TSC2: variants seen among roughly 807,000 people sequenced by gnomAD.
The protein encoded by TSC2 is TSC complex subunit 2.
Under a neutral mutation model 202.2 loss-of-function variants are expected in TSC2, and 29 were observed. That is an observed-to-expected ratio of 0.14 (90% CI 0.11 to 0.20). TSC2 has a LOEUF of 0.20. Among genes scored for constraint, TSC2 ranks in the 10% least tolerant of loss-of-function variants. The pLI, the probability that TSC2 is intolerant of heterozygous loss-of-function variation, is 1.00. For missense variants in TSC2, 2,429 were observed against 2,420.0 expected, an observed-to-expected ratio of 1.00 and a Z score of -0.08; for synonymous variants, 1,349 against 1,044.0, an observed-to-expected ratio of 1.29 and a Z score of -5.63.
At position 2,062,662 on chromosome 16, in the gene TSC2, C is replaced by A. The variant is rs891862600; in HGVS notation, c.1361+62C>A. On this transcript the variant is annotated intron_variant, in intron 13 of 41. Coordinates refer to ENST00000219476, the MANE Select transcript of TSC2 (RefSeq NM_000548.5). The stretch of plus-strand genomic sequence containing the variant: ...GCCTGGCCCTGTCTCTGTCTGGGGC[C>A]CACCCGGGCTGGGTCTCAGGATGCC... 4 of 1,524,128 alleles carry A rather than the reference C, an allele frequency of 2.6e-6. No individual in the cohort carries two copies. In the African/African-American group the frequency reaches 4.1e-5, roughly 16 times the overall value. The allele number at this position is 1,524,128 out of a possible 1,614,324, so 94.4% of individuals were successfully genotyped here.
chr16:2,078,894 C>T (rs543077852), intron 26 of TSC2, 138 bp from the exon 27 acceptor site: 646 of 1,144,410 alleles, frequency 5.6e-4, no homozygotes, highest in Non-Finnish European at 7.6e-4. Flanking sequence ...CTGAGGCTCG[C>T]TGGGCCGCCC....
intron 11 of TSC2, 71 bp from the exon 12 acceptor site, chr16:2,061,800 A>G (rs1482495637): frequency 2.0e-5 from 33 of 1,611,350 alleles, no homozygotes; most frequent in East Asian, 4.5e-5. Flanking sequence ...GTGGGTGTGT[A>G]GCGAGGCCTC....
chr16:2,082,393 C>T (rs2090250858), intron 31 of TSC2, 43 bp from the exon 32 acceptor site: 1 of 1,606,342 alleles, frequency 6.2e-7, no homozygotes, highest in Non-Finnish European at 8.5e-7. Flanking sequence ...TGTGTGTAGC[C>T]CCTCCTCCTG....
chr16:2,068,395 ATG>A (rs1458121268), intron 16 of TSC2, among the ~76,000 whole-genome samples: 1 of 152,174 alleles, frequency 6.6e-6, no homozygotes, highest in Non-Finnish European at 1.5e-5. Flanking sequence ...CTTGAACAGT[ATG>A]GGGCTGGGAG....
chr16:2,088,361 G>T (rs2151634675), intron 41 of TSC2, 36 bp downstream of exon 41: 7 of 1,612,190 alleles, frequency 4.3e-6, no homozygotes, highest in Non-Finnish European at 5.9e-6. Context: ...GGGGTGTGCT[G>T]GCTGCCCAAG....
intron 1 of TSC2, 74 bp from the exon 2 acceptor site, chr16:2,048,513 G>T: frequency 1.3e-6 from 2 of 1,587,188 alleles, no homozygotes; most frequent in Admixed American, 1.7e-5. Flanking sequence ...GGGTCCTGAC[G>T]GCTGGAGGTC....
At chr16:2,056,989 G>A (rs2085930866) in intron 8 of TSC2, 116 bp from the exon 9 acceptor site, 3 of 1,424,780 alleles carry the variant, frequency 2.1e-6, no homozygotes, top group Admixed American at 2.0e-5. Flanking sequence ...AGATGGTGGC[G>A]AGCTGGCCGG....
chr16:2,088,345 C>T lies in TSC2; in HGVS notation c.5259+20C>T, dbSNP rs879247127. On this transcript the variant is annotated intron_variant, in intron 41 of 41. Transcript: ENST00000219476. ...CAGCGGGTAGGGAATATGGGGCTCC[C>T]TCAGCGGGGTGTGCTGGCTGCCCAA... 3 of 1,612,490 alleles carry T rather than the reference C, an allele frequency of 1.9e-6. No homozygotes were observed. Among genetic ancestry groups the T allele is most frequent in the Non-Finnish European group, 2.5e-6 (3 of 1,179,986 alleles).
Position 2,084,995 on chromosome 16 carries a change from A to G in TSC2, c.4538A>G (p.Glu1513Gly), listed in dbSNP as rs1596422775. The change falls in exon 35 of 42, where the codon GAG becomes GGG. Residue 1513 changes from glutamate to glycine, a missense_variant. Physicochemically the swap from Glu to Gly is moderately conservative, Grantham distance 98. Transcript: ENST00000219476. Reference sequence around the variant, plus strand: ...TACCATTCCCCCTTCTTTGGCGACGAGTCAAACAAGCCAATCCTGCTGCCC... The same window carrying G: ...TACCATTCCCCCTTCTTTGGCGACGGGTCAAACAAGCCAATCCTGCTGCCC... ...QLYHSPFFGD[E>G]SNKPILLPNE... is the part of the protein sequence containing the mutation. 2.5e-6 allele frequency: 4 copies of G among 1,613,196 alleles called. No individual in the cohort carries two copies. Among genetic ancestry groups the G allele is most frequent in the Non-Finnish European group, 3.4e-6 (4 of 1,179,974 alleles).
At chr16:2,083,379 CCGT>C in intron 32 of TSC2, 1 of 508,304 alleles carries the variant, frequency 2.0e-6, no homozygotes, top group Non-Finnish European at 3.7e-6. Context: ...GAGCTGAGGC[CCGT>C]CGGGCGGAGA....
chr16:2,087,714 A>G, intron 38 of TSC2, 149 bp from the exon 39 acceptor site: 1 of 1,021,510 alleles, frequency 9.8e-7, no homozygotes, highest in Non-Finnish European at 1.5e-6. Context: ...GAGGCCAGAC[A>G]AACACAGCCC....
In TSC2 at chr16:2,072,545, C is replaced by T. The variant is rs12325450; in HGVS notation, c.2220+182C>T. ...GGGTGGAGGGACCCCTGCCCCAGCTCGCAGCTTTTGGGACTGACGTCAGAG... is the reference window on the plus strand; with the variant it reads ...GGGTGGAGGGACCCCTGCCCCAGCTTGCAGCTTTTGGGACTGACGTCAGAG... On this transcript the variant is annotated intron_variant, in intron 20 of 41. Coordinates refer to ENST00000219476, the MANE Select transcript of TSC2 (RefSeq NM_000548.5). 0.011 allele frequency: 11,340 copies of T among 1,000,470 alleles called. 560 individuals are homozygous for T. The African/African-American group carries it at 0.13, about 11-fold the overall frequency. The allele number at this position is 1,000,470 out of a possible 1,614,324, so 62.0% of individuals were successfully genotyped here.
chr16:2,082,858 C>T (rs1282352122), intron 32 of TSC2: 3 of 431,564 alleles, frequency 7.0e-6, no homozygotes, highest in Admixed American at 3.5e-5. Context: ...GGGCCTGCAC[C>T]GAGCGGGCCT....
intron 11 of TSC2, 91 bp downstream of exon 11, chr16:2,060,904 TG>T (rs1197646811): frequency 7.3e-6 from 11 of 1,510,504 alleles, no homozygotes; most frequent in Non-Finnish European, 9.9e-6. Context: ...GCCCCATCTC[TG>T]GGGGTCCCGC....
Position 2,088,881 on chromosome 16 carries a change from G to GCGCGCACACACACACACACA in TSC2, c.*272_*273insGCGCACACACACACACACAC, listed in dbSNP as rs142285430. The GCGCGCACACACACACACACA allele has an allele frequency of 4.9e-6, 2 of 410,744 alleles. No individual in the cohort carries two copies. Among genetic ancestry groups the GCGCGCACACACACACACACA allele is most frequent in the African/African-American group, 4.5e-5 (2 of 44,062 alleles). 25.4% of individuals were successfully genotyped at this position (410,744 alleles called of 1,614,324 possible). A position where few individuals can be genotyped will look rare whatever the true frequency, so the allele number is the denominator to read the frequency against. The stretch of plus-strand genomic sequence containing the variant: ...ACAGCACACTCGCGCGTGCGCGCGC[G>GCGCGCACACACACACACACA]CACACACACACACACACAGTCACCT... On this transcript the variant is annotated 3_prime_UTR_variant, in exon 42 of 42. Coordinates refer to ENST00000219476, the MANE Select transcript of TSC2 (RefSeq NM_000548.5).
At chr16:2,051,285 A>C (rs1019606727) in intron 3 of TSC2, among the ~76,000 whole-genome samples, 1 of 150,352 alleles carries the variant, frequency 6.7e-6, no homozygotes, top group East Asian at 2.0e-4. Context: ...GCCCCACTGC[A>C]CTCCAGTCTG....
rs747104674 is a variant in TSC2, at chr16:2,079,182, G to A, written c.3117G>A (p.Thr1039=). ...MMARYVFSNF[T]AVPKRSPVGE... Reference sequence around the variant, plus strand: ...CTCGATACGTCTTCTCCAACTTCACGGCTGTCCCGAAGAGGTCCAGGCGGC... The same window carrying A: ...CTCGATACGTCTTCTCCAACTTCACAGCTGTCCCGAAGAGGTCCAGGCGGC... The change falls in exon 27 of 42, where the codon ACG becomes ACA. Residue 1039 remains threonine (T), a synonymous_variant. Transcript: ENST00000219476. The surrounding 1 kb of genome is among the most constrained non-coding windows in gnomAD (Gnocchi z 4.6). The A allele has an allele frequency of 1.6e-5, 25 of 1,612,750 alleles. No homozygotes were observed. The highest frequency in any genetic ancestry group is 6.7e-5 in the Admixed American group (4 of 59,996).
At chr16:2,062,869 G>T (rs542480066) in intron 13 of TSC2, 103 bp from the exon 14 acceptor site, 8 of 1,328,732 alleles carry the variant, frequency 6.0e-6, no homozygotes, top group African/African-American at 2.9e-5. Context: ...GTGCCTGGCC[G>T]CGGGAGGACC....
At chr16:2,067,379 A>G (rs2087537772) in intron 16 of TSC2, among the ~76,000 whole-genome samples, 1 of 151,358 alleles carries the variant, frequency 6.6e-6, no homozygotes, top group Non-Finnish European at 1.5e-5. Context: ...CCAGCCTGGC[A>G]TCAACCTCCT....
Sources: allele counts gnomAD v4.1 joint callset (sites outside exome capture counted in the v4.1 genomes callset), GRCh38; gene constraint gnomAD v4.1.1; non-coding constraint Gnocchi (gnomAD v3.1); transcripts MANE v1.5; gene names NCBI Gene and HGNC (gene_info 2026-07-23, HGNC 2026-07-21).